LITAF: variants seen among roughly 807,000 people sequenced by gnomAD.
The protein encoded by LITAF is lipopolysaccharide induced TNF factor, also known as lipopolysaccharide-induced tumor necrosis factor-alpha factor.
In LITAF, 9 loss-of-function variants were observed where a neutral mutation model predicts 14.5. That is an observed-to-expected ratio of 0.62 (90% CI 0.37 to 1.08). LITAF has a LOEUF of 1.08. Ranked by LOEUF, LITAF falls within the 50% of genes least tolerant of loss-of-function variation. The pLI, the probability that LITAF is intolerant of heterozygous loss-of-function variation, is 0.01. For missense variants in LITAF, 206 were observed against 213.4 expected, an observed-to-expected ratio of 0.97 and a Z score of 0.22; for synonymous variants, 98 against 88.2, an observed-to-expected ratio of 1.11 and a Z score of -0.62.
intron 3 of LITAF, among the ~76,000 whole-genome samples, chr16:11,633,243 G>C (rs1376232150): frequency 6.6e-6 from 1 of 152,164 alleles, no homozygotes; most frequent in East Asian, 1.9e-4. Context: ...TATTGCCTTG[G>C]AGCAAGCCAG....
intron 1 of LITAF, among the ~76,000 whole-genome samples, chr16:11,578,474 C>T (rs144982186): frequency 0.019 from 2,895 of 152,106 alleles, 45 homozygotes; most frequent in Non-Finnish European, 0.028. Context: ...GAGGTTGCAG[C>T]GAGCCAAGAT....
chr16:11,583,329 G>A (rs1319791602), intron 1 of LITAF, among the ~76,000 whole-genome samples: 1 of 152,180 alleles, frequency 6.6e-6, no homozygotes. Flanking sequence ...TTCCATCGGG[G>A]AGTTGGGCTG....
rs1057359264 is a variant in LITAF, at chr16:11,577,183, T to C, written c.-6+9703A>G. The stretch of plus-strand genomic sequence containing the variant: ...ACCCCAGGGGAAGGGATGTGATCTA[T>C]ATTTCCCCACGAGGGCTTGAGAAAG... On this transcript the variant is annotated intron_variant, in intron 1 of 3. Transcript: ENST00000622633. Among the ~76,000 whole-genome samples the C allele has an allele frequency of 2.0e-4, 31 of 152,196 alleles. 1 individual carries two copies. The highest frequency in any genetic ancestry group is 2.9e-5 in the Non-Finnish European group (2 of 68,028).
intron 1 of LITAF, among the ~76,000 whole-genome samples, chr16:11,583,726 G>A (rs2064771445): frequency 6.6e-6 from 1 of 152,178 alleles, no homozygotes; most frequent in African/African-American, 2.4e-5. Flanking sequence ...GAGGCACACT[G>A]TCAATTAAAT....
upstream of LITAF, among the ~76,000 whole-genome samples, chr16:11,587,956 C>T (rs1347978632): frequency 1.3e-5 from 2 of 152,122 alleles, no homozygotes; most frequent in Non-Finnish European, 2.9e-5. Context: ...CCCTCCGGTG[C>T]CCAAATCCCA....
chr16:11,637,956 CTATA>C (rs1220050064), upstream of LITAF, among the ~76,000 whole-genome samples: 103 of 53,158 alleles, frequency 1.9e-3, 27 homozygotes, highest in African/African-American at 0.015. Flanking sequence ...CTATATATAT[CTATA>C]TATATCTATA....
chr16:11,553,511 G>A lies in LITAF; in HGVS notation c.377+22C>T. The A allele has an allele frequency of 1.9e-6, 3 of 1,613,404 alleles. No individual in the cohort carries two copies. Among genetic ancestry groups the A allele is most frequent in the Non-Finnish European group, 2.5e-6 (3 of 1,179,854 alleles). On this transcript the variant is annotated intron_variant, in intron 3 of 3. Transcript: ENST00000622633. This position sits in a 1 kb window ranked among gnomAD's most constrained non-coding sequence, Gnocchi z 7.7. The stretch of plus-strand genomic sequence containing the variant: ...AGAGAGAAGGGCAGGATGGCTTGGG[G>A]CCAAGTGGGAGGCAGACTCACCCCA...
At chr16:11,639,353 G>T (rs902451943), upstream of LITAF, among the ~76,000 whole-genome samples, 2 of 151,146 alleles carry the variant, frequency 1.3e-5, no homozygotes, top group African/African-American at 2.4e-5. Flanking sequence ...AATGATTAGT[G>T]GGGGGAAGAA....
intron 3 of LITAF, among the ~76,000 whole-genome samples, chr16:11,627,050 G>A (rs1017098621): frequency 3.9e-5 from 6 of 151,992 alleles, no homozygotes; most frequent in African/African-American, 9.7e-5. Context: ...CTAGGAACCC[G>A]GGTGTGGACG....
At position 11,560,707 on chromosome 16, in the gene LITAF, G is replaced by C. The variant is rs113255343; in HGVS notation, c.-5-3972C>G. ...CAGAAGGTTATAGAGAAGGGGAAAG[G>C]CCCAACCCCAGAAAAGACAGATGAG... is the stretch of plus-strand genomic sequence containing the variant. On this transcript the variant is annotated intron_variant, in intron 1 of 3. Coordinates refer to ENST00000622633, the MANE Select transcript of LITAF (RefSeq NM_001136472.2). Among the ~76,000 whole-genome samples, 437 of 152,284 alleles carry C rather than the reference G, an allele frequency of 2.9e-3. 1 individual carries two copies. The highest frequency in any genetic ancestry group is 9.6e-3 in the African/African-American group (401 of 41,568).
chr16:11,556,260 G>A (rs9940410), intron 2 of LITAF: 240 of 545,710 alleles, frequency 4.4e-4, no homozygotes, highest in African/African-American at 3.9e-3. Flanking sequence ...GTGCCTCCAA[G>A]AGATGTGCCA....
upstream of LITAF, among the ~76,000 whole-genome samples, chr16:11,639,975 G>T (rs748229312): frequency 2.5e-4 from 38 of 152,186 alleles, no homozygotes; most frequent in Non-Finnish European, 2.8e-4. Flanking sequence ...TAGTTTCACT[G>T]TGTTACCCAG....
At position 11,634,596 on chromosome 16, in the gene LITAF, G is replaced by A. The variant is rs902519662; in HGVS notation, c.-20-959C>T. ...GTTTTTGCATTTCTGACGATCCACTGAGGACTCAGTGCACATGAGGACCAT... is the reference window on the plus strand; with the variant it reads ...GTTTTTGCATTTCTGACGATCCACTAAGGACTCAGTGCACATGAGGACCAT... On this transcript the variant is annotated intron_variant, in intron 2 of 3. Coordinates refer to the LITAF transcript ENST00000574848. This position sits in a 1 kb window ranked among gnomAD's most constrained non-coding sequence, Gnocchi z 4.1. 2.0e-5 allele frequency among the ~76,000 whole-genome samples: 3 copies of A among 152,118 alleles called. No homozygotes were observed. Among genetic ancestry groups the A allele is most frequent in the African/African-American group, 7.2e-5 (3 of 41,422 alleles).
chr16:11,579,987 T>G (rs1187644355), intron 1 of LITAF, among the ~76,000 whole-genome samples: 1 of 152,132 alleles, frequency 6.6e-6, no homozygotes, highest in Non-Finnish European at 1.5e-5. Context: ...TACAATAAAT[T>G]GAAATCTACA....
intron 1 of LITAF, among the ~76,000 whole-genome samples, chr16:11,595,960 G>C (rs999380448): frequency 2.6e-5 from 4 of 151,984 alleles, no homozygotes; most frequent in Non-Finnish European, 5.9e-5. Context: ...CCATCTAGTA[G>C]TGCTCCCCGT....
rs373222844 is a variant in LITAF at position 11,575,109 on chromosome 16, T to C, written c.-6+11777A>G. On this transcript the variant is annotated intron_variant, in intron 1 of 3. Coordinates refer to ENST00000622633, the MANE Select transcript of LITAF (RefSeq NM_001136472.2). ...TGAGCCACTGCACCCGGCCTAAAGT[T>C]CTTTTTTTTTCATGTTGCACTATGA... Among the ~76,000 whole-genome samples the C allele has an allele frequency of 2.9e-3, 447 of 152,146 alleles. 3 individuals are homozygous for C. The highest frequency in any genetic ancestry group is 1.0e-2 in the African/African-American group (415 of 41,514).
At chr16:11,606,157 T>C (rs1464347357) in intron 3 of LITAF, among the ~76,000 whole-genome samples, 1 of 151,930 alleles carries the variant, frequency 6.6e-6, no homozygotes, top group African/African-American at 2.4e-5. Context: ...TGCCCCTGGA[T>C]TTTTTTTAAT....
chr16:11,627,575 G>A (rs891978031), intron 3 of LITAF, among the ~76,000 whole-genome samples: 3 of 152,374 alleles, frequency 2.0e-5, no homozygotes, highest in South Asian at 2.1e-4. Flanking sequence ...TGGGAGTGGC[G>A]GCTCACGCCT....
chr16:11,549,013 G>A lies in LITAF; in HGVS notation c.*624C>T. ...TCTAGCATGCATTTACGACCTTGTG[G>A]ATATGTCTGTACTGGGTGTTAATAG... On this transcript the variant is annotated 3_prime_UTR_variant, in exon 4 of 4. Coordinates refer to ENST00000622633, the MANE Select transcript of LITAF (RefSeq NM_001136472.2). The surrounding 1 kb of genome is among the most constrained non-coding windows in gnomAD (Gnocchi z 4.6). 1 of 453,734 alleles carries A rather than the reference G, an allele frequency of 2.2e-6. No homozygotes were observed. 28.1% of individuals were successfully genotyped at this position (453,734 alleles called of 1,614,324 possible).
Sources: gnomAD v4.1 joint callset for allele counts (sites outside exome capture counted in the v4.1 genomes callset) on GRCh38, gnomAD v4.1.1 for gene constraint, Gnocchi (gnomAD v3.1) non-coding constraint, MANE v1.5 for transcripts, NCBI Gene and HGNC (gene_info 2026-07-23, HGNC 2026-07-21) for gene names.